SLC8A3: variants seen among roughly 807,000 people sequenced by gnomAD.
SLC8A3 encodes sodium/calcium exchanger 3.
In SLC8A3, 37 loss-of-function variants were observed where a neutral mutation model predicts 65.4. The ratio of observed to expected loss-of-function variants is 0.57; its 90% CI spans 0.44 to 0.74. SLC8A3 has a LOEUF of 0.74. Among genes scored for constraint, SLC8A3 ranks in the 30% least tolerant of loss-of-function variants. The probability of loss-of-function intolerance (pLI) is 0.00; values close to 1 mark genes in which losing one functional copy is unlikely to be tolerated. For missense variants in SLC8A3, 1,112 were observed against 1,172.1 expected (o/e 0.95, Z 0.75); for synonymous variants, 461 against 444.5 (o/e 1.04, Z -0.47).
chr14:70,049,536 C>A (rs141175130), intron 5 of SLC8A3, among the ~76,000 whole-genome samples: 1 of 151,690 alleles, frequency 6.6e-6, no homozygotes, highest in African/African-American at 2.4e-5. Flanking sequence ...ATGTAGATGA[C>A]GGGTTGATGG....
At chr14:70,131,937 C>G (rs142781351) in intron 2 of SLC8A3, among the ~76,000 whole-genome samples, 258 of 152,226 alleles carry the variant, frequency 1.7e-3, no homozygotes, top group African/African-American at 5.9e-3. Flanking sequence ...GGGAGGAGGA[C>G]AGACATCTCC....
At chr14:70,067,073 C>T (rs2139878517) in intron 2 of SLC8A3, among the ~76,000 whole-genome samples, 1 of 152,294 alleles carries the variant, frequency 6.6e-6, no homozygotes, top group East Asian at 1.9e-4. Flanking sequence ...AGACCTCGTT[C>T]ATAACGTCCT....
intron 2 of SLC8A3, among the ~76,000 whole-genome samples, chr14:70,115,920 C>A (rs925095183): frequency 2.0e-5 from 3 of 152,140 alleles, no homozygotes; most frequent in Admixed American, 1.3e-4. Context: ...AGGGAAGAAG[C>A]GGAGGTCCTA....
chr14:70,047,798 G>GC (rs1412093551), intron 6 of SLC8A3: 1 of 152,222 alleles, frequency 6.6e-6, no homozygotes, highest in African/African-American at 2.4e-5. Flanking sequence ...GAGTTCAGAG[G>GC]CCCCAAAGCC....
chr14:70,138,906 G>A (rs1054253897), intron 2 of SLC8A3, among the ~76,000 whole-genome samples: 7 of 152,210 alleles, frequency 4.6e-5, no homozygotes, highest in East Asian at 3.9e-4. Context: ...AGTAGGCTTC[G>A]CATTGGCTAT....
chr14:70,147,987 A>C (rs1357194390), intron 2 of SLC8A3, among the ~76,000 whole-genome samples: 1 of 152,226 alleles, frequency 6.6e-6, no homozygotes, highest in Non-Finnish European at 1.5e-5. Flanking sequence ...TTCCTGACTC[A>C]GGATGGTTCG....
chr14:70,116,644 G>A (rs1893690422), intron 2 of SLC8A3, among the ~76,000 whole-genome samples: 1 of 152,122 alleles, frequency 6.6e-6, no homozygotes. Context: ...TGTGGCTCTC[G>A]AACAGGTAAT....
In SLC8A3 at chr14:70,188,796, GGC is replaced by G. The variant is rs1000130456; in HGVS notation, c.-482_-481del. ...GAAGGGGCAGGAAGGCAAGCAGCCC[GGC>G]GCGCCCTGGCGGCTCCGAGGGACCT... On this transcript the variant is annotated 5_prime_UTR_variant, in exon 1 of 7. Coordinates refer to ENST00000356921, the MANE Select transcript of SLC8A3 (RefSeq NM_182932.3). 27 of 152,078 alleles carry G rather than the reference GGC, an allele frequency of 1.8e-4. No individual in the cohort carries two copies. The highest frequency in any genetic ancestry group is 1.0e-3 in the Admixed American group (16 of 15,278). 9.4% of individuals were successfully genotyped at this position (152,078 alleles called of 1,614,324 possible).
intron 2 of SLC8A3, among the ~76,000 whole-genome samples, chr14:70,137,194 G>A (rs1014389833): frequency 1.9e-4 from 29 of 150,134 alleles, no homozygotes; most frequent in African/African-American, 6.4e-4. Flanking sequence ...CACCCAGGAT[G>A]GAGTGCAGTG....
chr14:70,092,539 T>C (rs1891876255), intron 2 of SLC8A3, among the ~76,000 whole-genome samples: 1 of 152,164 alleles, frequency 6.6e-6, no homozygotes, highest in Non-Finnish European at 1.5e-5. Flanking sequence ...CACCCCTGGT[T>C]TGGGGTATAT....
intron 2 of SLC8A3, among the ~76,000 whole-genome samples, chr14:70,148,299 A>C (rs1435359346): frequency 3.3e-5 from 5 of 152,214 alleles, no homozygotes; most frequent in African/African-American, 9.6e-5. Context: ...ATGGAATTAC[A>C]TCCCTTGTGA....
At chr14:70,176,973 C>A (rs1897945811) in intron 1 of SLC8A3, among the ~76,000 whole-genome samples, 1 of 152,364 alleles carries the variant, frequency 6.6e-6, no homozygotes, top group Non-Finnish European at 1.5e-5. Context: ...TTTATTCATT[C>A]ATGCATGCAT....
chr14:70,158,731 T>C (rs1172909212), intron 2 of SLC8A3, among the ~76,000 whole-genome samples: 1 of 152,184 alleles, frequency 6.6e-6, no homozygotes, highest in Admixed American at 6.5e-5. Context: ...CATATCCAGT[T>C]TTCAGAAAAA....
chr14:70,050,004 A>G (rs903811762), intron 5 of SLC8A3, among the ~76,000 whole-genome samples: 5 of 152,254 alleles, frequency 3.3e-5, no homozygotes. Flanking sequence ...ATGTTTTGGC[A>G]TAACCGGTAG....
At chr14:70,095,069 C>T (rs12147084) in intron 2 of SLC8A3, among the ~76,000 whole-genome samples, 16,455 of 151,920 alleles carry the variant, frequency 0.11, 981 homozygotes, top group South Asian at 0.2. Flanking sequence ...GATCTGCAAG[C>T]GCTCACCTCA....
intron 2 of SLC8A3, among the ~76,000 whole-genome samples, chr14:70,138,808 C>A (rs557144241): frequency 9.2e-5 from 14 of 152,286 alleles, no homozygotes; most frequent in African/African-American, 2.9e-4. Context: ...CAGAAAGGAC[C>A]ACAGTCTCAG....
chr14:70,105,319 A>G (rs1421195709), intron 2 of SLC8A3, among the ~76,000 whole-genome samples: 1 of 152,174 alleles, frequency 6.6e-6, no homozygotes, highest in Non-Finnish European at 1.5e-5. Flanking sequence ...ACAAAGCGAG[A>G]CTCTGTCTCA....
chr14:70,088,667 C>T (rs923306181), intron 2 of SLC8A3, among the ~76,000 whole-genome samples: 1 of 152,190 alleles, frequency 6.6e-6, no homozygotes, highest in South Asian at 2.1e-4. Flanking sequence ...CAAGTCTACA[C>T]CCTGAGCATT....
At chr14:70,152,997 G>A (rs1040803889) in intron 2 of SLC8A3, among the ~76,000 whole-genome samples, 1 of 152,222 alleles carries the variant, frequency 6.6e-6, no homozygotes, top group Non-Finnish European at 1.5e-5. Context: ...ACCCTCTGAA[G>A]AGCTGGTGCC....
Sources: allele counts gnomAD v4.1 joint callset (sites outside exome capture counted in the v4.1 genomes callset), GRCh38; gene constraint gnomAD v4.1.1; transcripts MANE v1.5; gene names NCBI Gene and HGNC (gene_info 2026-07-23, HGNC 2026-07-21).